SEMA6D: variants seen among roughly 807,000 people sequenced by gnomAD.
SEMA6D encodes semaphorin 6D, also known as semaphorin-6D.
In SEMA6D, 35 loss-of-function variants were observed where a neutral mutation model predicts 106.6. The observed-to-expected ratio is 0.33, with a 90% CI of 0.25 to 0.44. The LOEUF (loss-of-function observed/expected upper bound fraction) is 0.44, where lower values mean the gene tolerates loss of function less well. Ranked by LOEUF, SEMA6D falls within the 20% of genes least tolerant of loss-of-function variation. SEMA6D has a pLI of 1.00. For missense variants in SEMA6D, 1,185 were observed against 1,345.9 expected (o/e 0.88, Z 1.87); for synonymous variants, 499 against 487.7 (o/e 1.02, Z -0.31).
Position 47,415,410 on chromosome 15 carries a change from G to A in SEMA6D, c.-159+2938G>A, listed in dbSNP as rs143460346. ...AAGGGTCTCTGGGACTGATCCTTGTGGTAAAGCCGTCTTTCTCAGACCTCC... is the reference window on the plus strand; with the variant it reads ...AAGGGTCTCTGGGACTGATCCTTGTAGTAAAGCCGTCTTTCTCAGACCTCC... On this transcript the variant is annotated intron_variant, in intron 2 of 19. Transcript: ENST00000558014. Among the ~76,000 whole-genome samples, 82 of 152,114 alleles carry A rather than the reference G, an allele frequency of 5.4e-4. No homozygotes were observed. The East Asian group carries it at 0.012, about 23-fold the overall frequency.
intron 3 of SEMA6D, among the ~76,000 whole-genome samples, chr15:47,560,888 C>T (rs901867799): frequency 1.3e-5 from 2 of 151,868 alleles, no homozygotes; most frequent in Non-Finnish European, 2.9e-5. Flanking sequence ...TAACAGAAGC[C>T]AGGGAAGGGG....
At chr15:47,482,140 C>T (rs2043170950) in intron 3 of SEMA6D, among the ~76,000 whole-genome samples, 1 of 152,046 alleles carries the variant, frequency 6.6e-6, no homozygotes, top group African/African-American at 2.4e-5. Flanking sequence ...TAATTGATCT[C>T]TCTAGAATTT....
intron 1 of SEMA6D, among the ~76,000 whole-genome samples, chr15:47,265,153 C>A (rs10851448): frequency 6.6e-6 from 1 of 151,748 alleles, no homozygotes; most frequent in Admixed American, 6.6e-5. Context: ...GTTCTCTTCT[C>A]TCCTATTTTT....
intron 1 of SEMA6D, among the ~76,000 whole-genome samples, chr15:47,194,751 T>C (rs959424287): frequency 6.6e-6 from 1 of 152,224 alleles, no homozygotes; most frequent in Admixed American, 6.5e-5. Flanking sequence ...AACTGGAGTA[T>C]GTACATATGT....
chr15:47,408,769 TAA>T (rs1455283423), intron 1 of SEMA6D, among the ~76,000 whole-genome samples: 1 of 152,198 alleles, frequency 6.6e-6, no homozygotes, highest in East Asian at 1.9e-4. Context: ...TATGCTAAGA[TAA>T]TAGAGATTCT....
Position 47,560,384 on chromosome 15 carries a change from A to T in SEMA6D, c.-86-40481A>T, listed in dbSNP as rs576852444. On this transcript the variant is annotated intron_variant, in intron 3 of 19. Coordinates refer to the SEMA6D transcript ENST00000558014. Reference sequence around the variant, plus strand: ...GAAGGGAGAGAAATTATTTTTAAAAAACAAAAGAGAATTCTAGAGTTGAAA... The same window carrying T: ...GAAGGGAGAGAAATTATTTTTAAAATACAAAAGAGAATTCTAGAGTTGAAA... Among the ~76,000 whole-genome samples the T allele has an allele frequency of 1.2e-3, 184 of 152,174 alleles. 4 individuals are homozygous for T. Among genetic ancestry groups the T allele is most frequent in the Non-Finnish European group, 2.2e-4 (15 of 67,966 alleles).
intron 1 of SEMA6D, among the ~76,000 whole-genome samples, chr15:47,321,398 T>G (rs1187195838): frequency 6.6e-6 from 1 of 152,224 alleles, no homozygotes; most frequent in Non-Finnish European, 1.5e-5. Context: ...GGCCATCCTT[T>G]ATCAATATTT....
chr15:47,479,705 G>A (rs952199202), intron 3 of SEMA6D, among the ~76,000 whole-genome samples: 1 of 151,936 alleles, frequency 6.6e-6, no homozygotes, highest in Admixed American at 6.6e-5. Context: ...TCTAGGACTA[G>A]GGGCCATTTG....
At chr15:47,196,664 A>C (rs1407565469) in intron 1 of SEMA6D, among the ~76,000 whole-genome samples, 1 of 152,178 alleles carries the variant, frequency 6.6e-6, no homozygotes, top group African/African-American at 2.4e-5. Flanking sequence ...ATGCAGGCAG[A>C]GCTATGTAAA....
intron 3 of SEMA6D, among the ~76,000 whole-genome samples, chr15:47,544,083 G>A (rs2045442502): frequency 6.6e-6 from 1 of 152,028 alleles, no homozygotes; most frequent in Non-Finnish European, 1.5e-5. Context: ...AAAAAAGTAG[G>A]CTTAAGGCTA....
At position 47,423,958 on chromosome 15, in the gene SEMA6D, TGACA is replaced by T. The variant is rs554608280; in HGVS notation, c.-159+11491_-159+11494del. On this transcript the variant is annotated intron_variant, in intron 2 of 19. Coordinates refer to the SEMA6D transcript ENST00000558014. ...CAGGCATAATTTGTTTGTCCATAATTGACAGACAAAGAACTCACGTTTTCTGCTT... is the reference window on the plus strand; with the variant it reads ...CAGGCATAATTTGTTTGTCCATAATTGACAAAGAACTCACGTTTTCTGCTT... Among the ~76,000 whole-genome samples the T allele has an allele frequency of 1.2e-4, 19 of 152,232 alleles. No homozygotes were observed. In the East Asian group the frequency reaches 2.7e-3, roughly 22 times the overall value.
intron 1 of SEMA6D, among the ~76,000 whole-genome samples, chr15:47,334,397 C>CT (rs2037468525): frequency 6.6e-6 from 1 of 152,158 alleles, no homozygotes; most frequent in Non-Finnish European, 1.5e-5. Context: ...GGGGCCCAGA[C>CT]TTATGACTAG....
Position 47,447,283 on chromosome 15 carries a change from C to G in SEMA6D, c.-158-23191C>G, listed in dbSNP as rs2042057026. 2.0e-5 allele frequency among the ~76,000 whole-genome samples: 3 copies of G among 152,180 alleles called. No homozygotes were observed. In the South Asian group the frequency reaches 6.2e-4, roughly 32 times the overall value. On this transcript the variant is annotated intron_variant, in intron 2 of 19. Coordinates refer to the SEMA6D transcript ENST00000558014. ...AATGAGTTGACTGGTGGCTGGTAGTCCCTAGGCAGCTTCAAGGTGAGGACT... is the reference window on the plus strand; with the variant it reads ...AATGAGTTGACTGGTGGCTGGTAGTGCCTAGGCAGCTTCAAGGTGAGGACT...
At chr15:47,297,250 G>C (rs1411155332) in intron 1 of SEMA6D, among the ~76,000 whole-genome samples, 3 of 152,116 alleles carry the variant, frequency 2.0e-5, no homozygotes, top group Non-Finnish European at 4.4e-5. Flanking sequence ...ACATTTTTAT[G>C]ATTTCTCAAT....
At chr15:47,766,063 T>C (rs1395862890) in intron 14 of SEMA6D, 42 bp from the exon 15 acceptor site, 1 of 1,612,848 alleles carries the variant, frequency 6.2e-7, no homozygotes, top group South Asian at 1.1e-5. Context: ...AAACCTTTGT[T>C]GATGAGAAAA....
intron 1 of SEMA6D, among the ~76,000 whole-genome samples, chr15:47,299,533 C>T (rs1184673783): frequency 6.6e-6 from 1 of 152,160 alleles, no homozygotes; most frequent in South Asian, 2.1e-4. Context: ...GCAGGGACTG[C>T]AGGAGGGCTT....
At position 47,771,838 on chromosome 15, in the gene SEMA6D, G is replaced by A. The variant is rs182467373; in HGVS notation, c.*53G>A. 4.1e-3 allele frequency: 6,256 copies of A among 1,524,966 alleles called. 21 individuals are homozygous for A. Among genetic ancestry groups the A allele is most frequent in the Non-Finnish European group, 4.8e-3 (5,414 of 1,120,064 alleles). 94.5% of individuals were successfully genotyped at this position (1,524,966 alleles called of 1,614,324 possible). On this transcript the variant is annotated 3_prime_UTR_variant, in exon 19 of 19. Coordinates refer to ENST00000536845, the MANE Select transcript of SEMA6D (RefSeq NM_001358351.3). Reference sequence around the variant, plus strand: ...TTTATCCTGTCCGTGTTGTTGAGAGGATGATGTTGTAAGGGTACCTTAAAA... The same window carrying A: ...TTTATCCTGTCCGTGTTGTTGAGAGAATGATGTTGTAAGGGTACCTTAAAA...
At chr15:47,293,100 G>C (rs896626795) in intron 1 of SEMA6D, among the ~76,000 whole-genome samples, 11 of 151,960 alleles carry the variant, frequency 7.2e-5, no homozygotes, top group African/African-American at 2.7e-4. Flanking sequence ...TCTGGTGGTT[G>C]ATTTTTATTT....
intron 2 of SEMA6D, among the ~76,000 whole-genome samples, chr15:47,463,007 T>C (rs371637739): frequency 5.9e-5 from 9 of 151,984 alleles, no homozygotes; most frequent in African/African-American, 2.2e-4. Flanking sequence ...CAAGACCAAT[T>C]CAATGATGAA....
Sources: allele counts gnomAD v4.1 joint callset (sites outside exome capture counted in the v4.1 genomes callset), GRCh38; gene constraint gnomAD v4.1.1; transcripts MANE v1.5; gene names NCBI Gene and HGNC (gene_info 2026-07-23, HGNC 2026-07-21).